The following UBE2QL1 variants were observed in gnomAD, a reference collection of about 807,000 sequenced individuals.
UBE2QL1 encodes ubiquitin conjugating enzyme E2 QL1, also known as ubiquitin-conjugating enzyme E2Q-like protein 1.
In UBE2QL1, 5 loss-of-function variants were observed where a neutral mutation model predicts 12.6. The ratio of observed to expected loss-of-function variants is 0.40; its 90% CI spans 0.21 to 0.83. The LOEUF is 0.83. UBE2QL1 is among the 40% of genes least tolerant of loss of function. The pLI, the probability that UBE2QL1 is intolerant of heterozygous loss-of-function variation, is 0.37. For missense variants in UBE2QL1, 99 were observed against 222.6 expected, an observed-to-expected ratio of 0.44 and a Z score of 3.53; for synonymous variants, 96 against 94.5, an observed-to-expected ratio of 1.02 and a Z score of -0.10.
intron 1 of UBE2QL1, among the ~76,000 whole-genome samples, chr5:6,483,688 A>AT (rs1315134130): frequency 6.6e-6 from 1 of 152,138 alleles, no homozygotes; most frequent in Non-Finnish European, 1.5e-5. Context: ...TTCCCAGTGC[A>AT]TTTTTTCTGC....
chr5:6,457,053 C>T (rs1040134377), intron 1 of UBE2QL1, among the ~76,000 whole-genome samples: 2 of 151,832 alleles, frequency 1.3e-5, no homozygotes, highest in Non-Finnish European at 2.9e-5. Flanking sequence ...TGTCCCTGTC[C>T]ATCCTCCCTG....
intron 1 of UBE2QL1, among the ~76,000 whole-genome samples, chr5:6,449,574 A>C (rs1739370091): frequency 1.3e-5 from 2 of 149,212 alleles, no homozygotes; most frequent in South Asian, 2.2e-4. Context: ...GTTCTCTTCC[A>C]TCCCTCTTCC....
chr5:6,457,533 T>C (rs892530348), intron 1 of UBE2QL1, among the ~76,000 whole-genome samples: 2 of 150,778 alleles, frequency 1.3e-5, no homozygotes, highest in Non-Finnish European at 2.9e-5. Context: ...AGACTCCCCA[T>C]CCTCTTCATT....
At chr5:6,468,456 G>GCGGGA (rs1380873394) in intron 1 of UBE2QL1, among the ~76,000 whole-genome samples, 21 of 152,334 alleles carry the variant, frequency 1.4e-4, no homozygotes, top group Middle Eastern at 6.8e-3. Context: ...AGACACTCAG[G>GCGGGA]CGGGACAACA....
chr5:6,489,980 TC>T (rs1734538676), intron 1 of UBE2QL1, among the ~76,000 whole-genome samples: 1 of 152,220 alleles, frequency 6.6e-6, no homozygotes, highest in Admixed American at 6.5e-5. Context: ...TCGCGAAGGT[TC>T]CTGAACAGCA....
intron 1 of UBE2QL1, among the ~76,000 whole-genome samples, chr5:6,474,285 C>CAG (rs1389008492): frequency 1.3e-5 from 2 of 152,238 alleles, no homozygotes; most frequent in East Asian, 1.9e-4. Flanking sequence ...GGTTAACAAC[C>CAG]AGGAGTACGT....
intron 1 of UBE2QL1, among the ~76,000 whole-genome samples, chr5:6,449,456 G>T (rs918548170): frequency 2.0e-5 from 3 of 151,988 alleles, no homozygotes; most frequent in Non-Finnish European, 4.4e-5. Context: ...TTTCCGTCCC[G>T]TCTCTCCCGT....
intron 1 of UBE2QL1, among the ~76,000 whole-genome samples, chr5:6,473,440 G>A (rs1001828167): frequency 2.0e-5 from 3 of 152,160 alleles, no homozygotes; most frequent in South Asian, 2.1e-4. Flanking sequence ...CAGCATCAGC[G>A]CCCGACTGTC....
At chr5:6,463,305 G>T (rs1739712943) in intron 1 of UBE2QL1, among the ~76,000 whole-genome samples, 1 of 152,144 alleles carries the variant, frequency 6.6e-6, no homozygotes, top group Non-Finnish European at 1.5e-5. Context: ...GTATAATACA[G>T]TGATCCTAAA....
chr5:6,474,224 C>T (rs376000558), intron 1 of UBE2QL1, among the ~76,000 whole-genome samples: 21 of 152,342 alleles, frequency 1.4e-4, no homozygotes, highest in South Asian at 4.2e-4. Flanking sequence ...TGGTACACCA[C>T]GGTCTATGCC....
intron 1 of UBE2QL1, among the ~76,000 whole-genome samples, chr5:6,469,158 A>C (rs542854019): frequency 6.6e-6 from 1 of 152,326 alleles, no homozygotes; most frequent in South Asian, 2.1e-4. Context: ...GGAGGGCAGC[A>C]AATCTGCCTG....
At chr5:6,475,963 C>T (rs1734223846) in intron 1 of UBE2QL1, among the ~76,000 whole-genome samples, 1 of 152,180 alleles carries the variant, frequency 6.6e-6, no homozygotes, top group African/African-American at 2.4e-5. Flanking sequence ...AACCCCAAGA[C>T]CTGTCGGAAA....
chr5:6,463,643 T>TTA (rs1314587860), intron 1 of UBE2QL1, among the ~76,000 whole-genome samples: 1,239 of 87,164 alleles, frequency 0.014, 9 homozygotes, highest in Middle Eastern at 0.03. Flanking sequence ...TATTATTATT[T>TTA]TTGATGCGGA....
In UBE2QL1 at chr5:6,491,555, T is replaced by A; in HGVS notation, c.*206T>A. On this transcript the variant is annotated 3_prime_UTR_variant, in exon 2 of 2. Coordinates refer to ENST00000399816, the MANE Select transcript of UBE2QL1 (RefSeq NM_001145161.3). ...AATGCCGTTCGGATTATGTTTCGATTATAAATGAATGATCACCTCGAAGTC... is the reference window on the plus strand; with the variant it reads ...AATGCCGTTCGGATTATGTTTCGATAATAAATGAATGATCACCTCGAAGTC... The A allele has an allele frequency of 1.8e-6, 1 of 542,982 alleles. No individual in the cohort carries two copies. The highest frequency in any genetic ancestry group is 2.9e-6 in the Non-Finnish European group (1 of 347,680). The allele number at this position is 542,982 out of a possible 1,614,324, so 33.6% of individuals were successfully genotyped here.
At chr5:6,469,779 A>G (rs979644321) in intron 1 of UBE2QL1, among the ~76,000 whole-genome samples, 2 of 152,120 alleles carry the variant, frequency 1.3e-5, no homozygotes, top group Non-Finnish European at 2.9e-5. Flanking sequence ...CTTAACCCAA[A>G]AAAGCCAATT....
chr5:6,476,770 G>A lies in UBE2QL1; in HGVS notation c.355-14448G>A, dbSNP rs1221020319. On this transcript the variant is annotated intron_variant, in intron 1 of 1. Transcript: ENST00000399816. The surrounding 1 kb of genome is among the most constrained non-coding windows in gnomAD (Gnocchi z 4.9). ...TGCTAATTAATGGGTTTCTTCACAG[G>A]AAAATGTAGTTGAGATTTGTAAAAA... Among the ~76,000 whole-genome samples the A allele has an allele frequency of 6.6e-6, 1 of 152,158 alleles. No homozygotes were observed. Among genetic ancestry groups the A allele is most frequent in the South Asian group, 2.1e-4 (1 of 4,826 alleles).
intron 1 of UBE2QL1, among the ~76,000 whole-genome samples, chr5:6,486,959 A>G (rs1214891021): frequency 6.6e-6 from 1 of 152,194 alleles, no homozygotes; most frequent in Non-Finnish European, 1.5e-5. Context: ...CAAGAGTGAG[A>G]GACCCTGCCT....
At chr5:6,460,367 A>G (rs935234754) in intron 1 of UBE2QL1, among the ~76,000 whole-genome samples, 17 of 152,236 alleles carry the variant, frequency 1.1e-4, no homozygotes, top group African/African-American at 4.1e-4. Flanking sequence ...ATGCACAGAA[A>G]TGTATGGCCA....
intron 1 of UBE2QL1, among the ~76,000 whole-genome samples, chr5:6,486,239 G>A (rs1055280704): frequency 1.3e-5 from 2 of 152,100 alleles, no homozygotes; most frequent in Non-Finnish European, 2.9e-5. Context: ...CAGCCAGGAA[G>A]TATTGGAGCT....
Sources: allele counts gnomAD v4.1 joint callset (sites outside exome capture counted in the v4.1 genomes callset), GRCh38; gene constraint gnomAD v4.1.1; non-coding constraint Gnocchi (gnomAD v3.1); transcripts MANE v1.5; gene names NCBI Gene and HGNC (gene_info 2026-07-23, HGNC 2026-07-21).